Variants in RAI1 observed in about 807,000 individuals in gnomAD.
RAI1 encodes retinoic acid induced 1, also known as retinoic acid-induced protein 1.
Under a neutral mutation model 123.8 loss-of-function variants are expected in RAI1, and 9 were observed. The observed-to-expected ratio is 0.07, with a 90% CI of 0.04 to 0.13. The LOEUF (loss-of-function observed/expected upper bound fraction) is 0.13, where lower values mean the gene tolerates loss of function less well. Ranked by LOEUF, RAI1 falls within the 10% of genes least tolerant of loss-of-function variation. The probability of loss-of-function intolerance (pLI) is 1.00; values close to 1 mark genes in which losing one functional copy is unlikely to be tolerated. For missense variants in RAI1, 2,256 were observed against 2,545.8 expected, an observed-to-expected ratio of 0.89 and a Z score of 2.45; for synonymous variants, 1,231 against 1,127.3, an observed-to-expected ratio of 1.09 and a Z score of -1.84.
chr17:17,782,758 C>T (rs1466294217), intron 2 of RAI1, among the ~76,000 whole-genome samples: 2 of 151,950 alleles, frequency 1.3e-5, no homozygotes, highest in Admixed American at 6.5e-5. Flanking sequence ...GCGAGCCGGG[C>T]GCACCTCTCC....
In RAI1 at chr17:17,797,746, C is replaced by T. The variant is rs1385178590; in HGVS notation, c.4798C>T (p.Arg1600Trp). 7 of 1,613,990 alleles carry T rather than the reference C, an allele frequency of 4.3e-6. No individual in the cohort carries two copies. Among genetic ancestry groups the T allele is most frequent in the Middle Eastern group, 1.6e-4 (1 of 6,062 alleles). Residue 1600 changes from arginine (R) to tryptophan (W), a missense_variant, in exon 3 of 6, where the codon CGG (arginine) becomes TGG (tryptophan). Arg to Trp is a moderately radical substitution (Grantham distance 101). This residue lies in a region of RAI1 where 410 missense variants were observed against 374.6 expected (regional missense o/e 1.09). Transcript: ENST00000353383. ...GACCCCCGCCTTCTCACCCTTCGTG[C>T]GGGTGGAGAAGCGAGACGCGTTCAC... ...SRTPAFSPFV[R>W]VEKRDAFTTI... is the part of the protein sequence containing the mutation.
Position 17,714,233 on chromosome 17 carries a change from G to C in RAI1, c.-148-9795G>C, listed in dbSNP as rs2142910869. ...CCCCAGTTTCTGGGTCTGCAGAAGGGGGCTCCCAGGCCTCTCCCTGCCTAC... is the reference window on the plus strand; with the variant it reads ...CCCCAGTTTCTGGGTCTGCAGAAGGCGGCTCCCAGGCCTCTCCCTGCCTAC... On this transcript the variant is annotated intron_variant, in intron 1 of 5. Transcript: ENST00000353383. The surrounding 1 kb of genome is among the most constrained non-coding windows in gnomAD (Gnocchi z 4.9). 6.6e-6 allele frequency among the ~76,000 whole-genome samples: 1 copy of C among 152,154 alleles called. No individual in the cohort carries two copies. Among genetic ancestry groups the C allele is most frequent in the Admixed American group, 6.5e-5 (1 of 15,292 alleles).
chr17:17,802,281 C>T (rs1054541867), intron 3 of RAI1: 3 of 423,250 alleles, frequency 7.1e-6, no homozygotes, highest in African/African-American at 6.1e-5. Flanking sequence ...TCACCGCCTC[C>T]TCTCACAGGT....
At chr17:17,716,940 TG>T (rs975843434) in intron 1 of RAI1, among the ~76,000 whole-genome samples, 2 of 152,146 alleles carry the variant, frequency 1.3e-5, no homozygotes, top group African/African-American at 4.8e-5. Context: ...TGCCCACCAC[TG>T]GGGGACCCCA....
intron 1 of RAI1, among the ~76,000 whole-genome samples, chr17:17,682,188 C>T (rs1173836345): frequency 2.7e-5 from 4 of 150,938 alleles, no homozygotes; most frequent in Non-Finnish European, 5.9e-5. Flanking sequence ...GCGCCGGGGG[C>T]GGAGGTGAGC....
intron 4 of RAI1, among the ~76,000 whole-genome samples, chr17:17,804,404 A>G (rs1210690925): frequency 6.6e-6 from 1 of 152,114 alleles, no homozygotes; most frequent in Non-Finnish European, 1.5e-5. Flanking sequence ...TCACTCATGT[A>G]TTCATTTGTT....
chr17:17,796,631 T>A lies in RAI1; in HGVS notation c.3683T>A (p.Phe1228Tyr), dbSNP rs1413575356. Residue 1228 changes from phenylalanine to tyrosine, a missense_variant, in exon 3 of 6, where the codon TTC (phenylalanine) becomes TAC (tyrosine). Phe to Tyr is a conservative substitution (Grantham distance 22). This residue lies in a region of RAI1 where 322 missense variants were observed against 358.0 expected (regional missense o/e 0.90). Transcript: ENST00000353383. The surrounding 1 kb of genome is among the most constrained non-coding windows in gnomAD (Gnocchi z 5.8). ...PLHALKRKSA[F>Y]MAPVPTKKRN... ...CATGCGCTCAAAAGGAAGTCGGCCT[T>A]CATGGCGCCGGTCCCCACCAAGAAG... The A allele has an allele frequency of 6.2e-7, 1 of 1,612,080 alleles. No homozygotes were observed. The highest frequency in any genetic ancestry group is 1.1e-5 in the South Asian group (1 of 91,054).
Position 17,765,837 on chromosome 17 carries a change from G to A in RAI1, c.-16-27096G>A, listed in dbSNP as rs555377412. The A allele has an allele frequency of 2.0e-5, 3 of 152,392 alleles. No individual in the cohort carries two copies. In the South Asian group the frequency reaches 6.2e-4, roughly 32 times the overall value. The allele number at this position is 152,392 out of a possible 1,614,324, so 9.4% of individuals were successfully genotyped here. ...ACTTACCCTGTTACCCTCTTGGGGT[G>A]TGGCATTTCTTAGAAGCCAAGCATG... On this transcript the variant is annotated intron_variant, in intron 2 of 5. Transcript: ENST00000353383.
chr17:17,753,184 C>T (rs2030285244), intron 2 of RAI1, among the ~76,000 whole-genome samples: 1 of 152,192 alleles, frequency 6.6e-6, no homozygotes, highest in Non-Finnish European at 1.5e-5. Flanking sequence ...GACAGGAGCC[C>T]CAGGGGCTGG....
intron 4 of RAI1, among the ~76,000 whole-genome samples, chr17:17,804,757 T>G (rs534631217): frequency 6.6e-6 from 1 of 152,160 alleles, no homozygotes; most frequent in Admixed American, 6.5e-5. Context: ...CCTCCTGGGC[T>G]CAATCATCCT....
chr17:17,800,289 A>T lies in RAI1; in HGVS notation c.5565+1776A>T, dbSNP rs2032418979. On this transcript the variant is annotated intron_variant, in intron 3 of 5. Transcript: ENST00000353383. This position sits in a 1 kb window ranked among gnomAD's most constrained non-coding sequence, Gnocchi z 4.7. Reference sequence around the variant, plus strand: ...CAAGTCTCTCCCGTCATCAAAAAATAATAACCCTCAGATCACCAGCCCCAG... The same window carrying T: ...CAAGTCTCTCCCGTCATCAAAAAATTATAACCCTCAGATCACCAGCCCCAG... Among the ~76,000 whole-genome samples, 1 of 151,036 alleles carries T rather than the reference A, an allele frequency of 6.6e-6. No individual in the cohort carries two copies. The highest frequency in any genetic ancestry group is 6.6e-5 in the Admixed American group (1 of 15,100).
chr17:17,751,965 A>AT (rs1178642804), intron 2 of RAI1, among the ~76,000 whole-genome samples: 2 of 151,506 alleles, frequency 1.3e-5, no homozygotes, highest in African/African-American at 2.4e-5. Flanking sequence ...GTTTTTTTTT[A>AT]TTTTTTGTTT....
intron 1 of RAI1, chr17:17,682,354 C>T (rs1450657467): frequency 6.6e-6 from 1 of 150,584 alleles, no homozygotes; most frequent in Non-Finnish European, 1.5e-5. Flanking sequence ...CGGGCAGCGG[C>T]CCCGGGGCCT....
chr17:17,764,892 C>T (rs1439478877), intron 2 of RAI1, among the ~76,000 whole-genome samples: 1 of 152,266 alleles, frequency 6.6e-6, no homozygotes, highest in Non-Finnish European at 1.5e-5. Flanking sequence ...GCCTGGCCTC[C>T]TCTTCTTTTA....
At chr17:17,750,097 T>A (rs12945601) in intron 2 of RAI1, among the ~76,000 whole-genome samples, 1 of 152,092 alleles carries the variant, frequency 6.6e-6, no homozygotes, top group Non-Finnish European at 1.5e-5. Flanking sequence ...GAAGGAGATA[T>A]CACTTGCATT....
chr17:17,752,694 C>T (rs898742252), intron 2 of RAI1, among the ~76,000 whole-genome samples: 6 of 152,200 alleles, frequency 3.9e-5, no homozygotes, highest in Non-Finnish European at 8.8e-5. Context: ...ACCTTACTTG[C>T]CACGCTGGCC....
At chr17:17,806,175 G>A (rs1039559940) in intron 4 of RAI1, among the ~76,000 whole-genome samples, 7 of 152,228 alleles carry the variant, frequency 4.6e-5, no homozygotes, top group Admixed American at 3.9e-4. Context: ...TCTGAACAAG[G>A]GAGAAATCTA....
intron 2 of RAI1, among the ~76,000 whole-genome samples, chr17:17,780,804 G>C (rs2031548137): frequency 6.6e-6 from 1 of 152,208 alleles, no homozygotes; most frequent in African/African-American, 2.4e-5. Context: ...AGCTGGCTGG[G>C]GGAGAAGCCC....
At chr17:17,682,802 C>T (rs140281869) in intron 1 of RAI1, among the ~76,000 whole-genome samples, 4,432 of 152,090 alleles carry the variant, frequency 0.029, 114 homozygotes, top group Non-Finnish European at 0.047. Context: ...ACGCAGGGGC[C>T]GGAGTGCGGG....
Sources: gnomAD v4.1 joint callset for allele counts (sites outside exome capture counted in the v4.1 genomes callset) on GRCh38, gnomAD v4.1.1 for gene constraint, gnomAD v4.1.1 regional missense constraint, Gnocchi (gnomAD v3.1) non-coding constraint, MANE v1.5 for transcripts, NCBI Gene and HGNC (gene_info 2026-07-23, HGNC 2026-07-21) for gene names.